Variants in ZNF516 observed in about 807,000 individuals in gnomAD.
The protein encoded by ZNF516 is zinc finger protein 516.
In ZNF516, 19 loss-of-function variants were observed where a neutral mutation model predicts 79.7. That is an observed-to-expected ratio of 0.24 (90% CI 0.17 to 0.35). The LOEUF is 0.35. Among genes scored for constraint, ZNF516 ranks in the 10% least tolerant of loss-of-function variants. The pLI is 1.00. For missense variants in ZNF516, 1,678 were observed against 1,679.5 expected, an observed-to-expected ratio of 1.00 and a Z score of 0.02; for synonymous variants, 877 against 739.5, an observed-to-expected ratio of 1.19 and a Z score of -3.02.
upstream of ZNF516, chr18:76,496,318 C>T (rs899116687): frequency 3.9e-6 from 5 of 1,289,568 alleles, no homozygotes; most frequent in East Asian, 5.6e-5. Flanking sequence ...CGTGATAACT[C>T]CGCAGTGGAG....
At chr18:76,389,468 G>A (rs1201318898) in intron 3 of ZNF516, 1 of 152,240 alleles carries the variant, frequency 6.6e-6, no homozygotes, top group Non-Finnish European at 1.5e-5. Context: ...GGGGCAGGCA[G>A]AAAGCAGGAG....
chr18:76,473,156 A>G (rs546897029), intron 1 of ZNF516, among the ~76,000 whole-genome samples: 84 of 152,308 alleles, frequency 5.5e-4, no homozygotes, highest in African/African-American at 1.7e-3. Context: ...TTAATAATTA[A>G]AGGACAAGAA....
At chr18:76,443,307 T>G in intron 2 of ZNF516, 96 bp from the exon 3 acceptor site, 1 of 480,624 alleles carries the variant, frequency 2.1e-6, no homozygotes. Context: ...AACATACCCA[T>G]CCAACCCACA....
Position 76,443,112 on chromosome 18 carries a change from G to T in ZNF516, c.-58C>A. On this transcript the variant is annotated 5_prime_UTR_variant, in exon 3 of 7. Transcript: ENST00000443185. ...CAGCTTTCTGTCGCGCGGGCTGCAG[G>T]GACCGTCCTATCTCTCCATGGTCAG... 6.6e-7 allele frequency: 1 copy of T among 1,517,878 alleles called. No individual in the cohort carries two copies. The allele number at this position is 1,517,878 out of a possible 1,614,324, so 94.0% of individuals were successfully genotyped here.
At chr18:76,423,158 G>A (rs1304117388) in intron 3 of ZNF516, among the ~76,000 whole-genome samples, 12 of 152,108 alleles carry the variant, frequency 7.9e-5, no homozygotes, top group African/African-American at 2.2e-4. Flanking sequence ...CAATTTACAC[G>A]CATTCTTTAC....
chr18:76,406,297 G>A (rs368798987), intron 3 of ZNF516, among the ~76,000 whole-genome samples: 21 of 152,342 alleles, frequency 1.4e-4, no homozygotes, highest in African/African-American at 4.8e-4. Context: ...CGGGCGCGGT[G>A]GCTCACGCCT....
rs1292576217 is a variant in ZNF516 at position 76,380,076 on chromosome 18, G to A, written c.2038C>T (p.Pro680Ser). Reference sequence around the variant, plus strand: ...CCAGGGACGGGCACCTCCTGCTTGGGGTGAAATGCTGGCATCTTTAAGTCC... The same window carrying A: ...CCAGGGACGGGCACCTCCTGCTTGGAGTGAAATGCTGGCATCTTTAAGTCC... ...SMDLKMPAFH[P>S]KQEVPVPGDG... is the part of the protein sequence containing the mutation. Residue 680 changes from proline to serine, a missense_variant, in exon 4 of 7, where the codon CCC becomes TCC. Transcript: ENST00000443185. The A allele has an allele frequency of 4.3e-6, 7 of 1,613,914 alleles. No homozygotes were observed. Among genetic ancestry groups the A allele is most frequent in the South Asian group, 2.2e-5 (2 of 91,078 alleles).
chr18:76,458,478 G>T (rs770889273), intron 2 of ZNF516, among the ~76,000 whole-genome samples: 1 of 152,284 alleles, frequency 6.6e-6, no homozygotes, highest in East Asian at 1.9e-4. Flanking sequence ...CACAAGGCTC[G>T]CTCTCCCTCC....
At position 76,429,440 on chromosome 18, in the gene ZNF516, T is replaced by G. The variant is rs539918726; in HGVS notation, c.1810+11805A>C. Among the ~76,000 whole-genome samples the G allele has an allele frequency of 3.3e-5, 5 of 152,316 alleles. No homozygotes were observed. In the East Asian group the frequency reaches 5.8e-4, roughly 18 times the overall value. On this transcript the variant is annotated intron_variant, in intron 3 of 6. Transcript: ENST00000443185. ...AGCCTCTGGGCTCACTGAGGTGTTT[T>G]GTGCTAAGATGCCCCCTGGGCTCCT... is the stretch of plus-strand genomic sequence containing the variant.
chr18:76,373,677 C>T (rs887104046), intron 4 of ZNF516, among the ~76,000 whole-genome samples: 7 of 152,228 alleles, frequency 4.6e-5, no homozygotes, highest in African/African-American at 7.2e-5. Flanking sequence ...CCCACTCATC[C>T]GTGCTTATTT....
chr18:76,486,354 CAT>C (rs1379637124), intron 1 of ZNF516, among the ~76,000 whole-genome samples: 5 of 144,414 alleles, frequency 3.5e-5, no homozygotes, highest in Admixed American at 7.2e-5. Context: ...AAGACAGACA[CAT>C]GTTGCCCTTT....
intron 3 of ZNF516, among the ~76,000 whole-genome samples, chr18:76,434,510 C>T (rs2075704419): frequency 6.6e-6 from 1 of 152,198 alleles, no homozygotes; most frequent in African/African-American, 2.4e-5. Flanking sequence ...ATATCACGAA[C>T]TTCTCTTTCA....
At chr18:76,415,551 C>T (rs1333942962) in intron 3 of ZNF516, among the ~76,000 whole-genome samples, 1 of 152,146 alleles carries the variant, frequency 6.6e-6, no homozygotes, top group Non-Finnish European at 1.5e-5. Context: ...GCAGAACCTG[C>T]CTCTCCGTTG....
chr18:76,468,254 C>T (rs1913610890), intron 1 of ZNF516, among the ~76,000 whole-genome samples: 1 of 152,136 alleles, frequency 6.6e-6, no homozygotes, highest in African/African-American at 2.4e-5. Flanking sequence ...TGGAGCAGCC[C>T]CGTGCTCTTT....
In ZNF516 at chr18:76,395,642, T is replaced by A. The variant is rs553588026; in HGVS notation, c.1811-15339A>T. Among the ~76,000 whole-genome samples, 8 of 151,912 alleles carry A rather than the reference T, an allele frequency of 5.3e-5. No homozygotes were observed. In the East Asian group the frequency reaches 1.6e-3, roughly 29 times the overall value. On this transcript the variant is annotated intron_variant, in intron 3 of 6. Coordinates refer to ENST00000443185, the MANE Select transcript of ZNF516 (RefSeq NM_014643.4). Reference sequence around the variant, plus strand: ...CCTCGAGTGGGTGCTGAGGTGGACATCCCAGAGCTACAGTCACTGGAGTCA... The same window carrying A: ...CCTCGAGTGGGTGCTGAGGTGGACAACCCAGAGCTACAGTCACTGGAGTCA...
intron 3 of ZNF516, among the ~76,000 whole-genome samples, chr18:76,395,210 G>A (rs752637015): frequency 4.6e-5 from 7 of 152,188 alleles, no homozygotes; most frequent in Admixed American, 6.5e-5. Context: ...TTCCCACACA[G>A]GCACTCCTGC....
intron 3 of ZNF516, among the ~76,000 whole-genome samples, chr18:76,431,811 C>G (rs111620586): frequency 0.016 from 2,403 of 152,342 alleles, 29 homozygotes; most frequent in Middle Eastern, 0.041. Context: ...CCTATACAGT[C>G]TGCAGAACCG....
intron 3 of ZNF516, among the ~76,000 whole-genome samples, chr18:76,428,584 C>T (rs938771792): frequency 6.6e-6 from 1 of 152,160 alleles, no homozygotes; most frequent in South Asian, 2.1e-4. Flanking sequence ...GTCCTCCGCC[C>T]ACACAGGGAG....
intron 1 of ZNF516, among the ~76,000 whole-genome samples, chr18:76,494,260 G>A (rs1054672031): frequency 6.6e-6 from 1 of 152,122 alleles, no homozygotes; most frequent in Non-Finnish European, 1.5e-5. Context: ...TATTCAGTCT[G>A]TTAGTTCTCC....
Sources: gnomAD v4.1 joint callset for allele counts (sites outside exome capture counted in the v4.1 genomes callset) on GRCh38, gnomAD v4.1.1 for gene constraint, MANE v1.5 for transcripts, NCBI Gene and HGNC (gene_info 2026-07-23, HGNC 2026-07-21) for gene names.